WIPF1: variants seen among roughly 807,000 people sequenced by gnomAD.
WIPF1 encodes WAS/WASL-interacting protein family member 1.
In WIPF1, 13 loss-of-function variants were observed where a neutral mutation model predicts 35.4. The ratio of observed to expected loss-of-function variants is 0.37; its 90% CI spans 0.24 to 0.58. The LOEUF (loss-of-function observed/expected upper bound fraction) is 0.58. WIPF1 is among the 20% of genes least tolerant of loss of function. The probability of loss-of-function intolerance (pLI) is 0.74; values close to 1 mark genes in which losing one functional copy is unlikely to be tolerated. For synonymous variants in WIPF1, 267 were observed against 266.3 expected (o/e 1.00, Z -0.02); for missense variants, 591 against 667.0 (o/e 0.89, Z 1.25).
chr2:174,613,138 A>C (rs1686402929), intron 1 of WIPF1, among the ~76,000 whole-genome samples: 1 of 50,396 alleles, frequency 2.0e-5, no homozygotes, highest in South Asian at 7.3e-4. Context: ...TGTTATGCAC[A>C]TGCAGACGTG....
At chr2:174,675,600 T>C (rs7597724) in intron 1 of WIPF1, among the ~76,000 whole-genome samples, 3,491 of 152,210 alleles carry the variant, frequency 0.023, 130 homozygotes, top group African/African-American at 0.077. Context: ...GTGATCCTCC[T>C]GCCTCAGCTT....
At chr2:174,660,472 C>T (rs534342348) in intron 1 of WIPF1, among the ~76,000 whole-genome samples, 3 of 152,266 alleles carry the variant, frequency 2.0e-5, no homozygotes, top group African/African-American at 7.2e-5. Context: ...ATTCCCAGGG[C>T]AGAGATTTTC....
At chr2:174,584,833 A>T (rs1685351970) in intron 2 of WIPF1, among the ~76,000 whole-genome samples, 1 of 151,794 alleles carries the variant, frequency 6.6e-6, no homozygotes, top group Admixed American at 6.6e-5. Flanking sequence ...AATCACTTGA[A>T]CGGGAGGTGG....
chr2:174,581,316 G>A lies in WIPF1; in HGVS notation c.175C>T (p.Leu59=), dbSNP rs2105830697. The part of the protein sequence containing the change: ...TVTNDRSAPI[L]DKPKGAGAGG... ...ATAGCCTTTTTTTACTTACTGTCCA[G>A]TATTGGTGCACTTCTGTCATTGGTG... Residue 59 remains leucine, a synonymous_variant, in exon 3 of 8, where the codon CTG becomes TTG. Transcript: ENST00000679041. 1 of 1,613,978 alleles carries A rather than the reference G, an allele frequency of 6.2e-7. No homozygotes were observed. Among genetic ancestry groups the A allele is most frequent in the Non-Finnish European group, 8.5e-7 (1 of 1,179,916 alleles).
At chr2:174,682,609 C>A (rs1047858546) in intron 1 of WIPF1, among the ~76,000 whole-genome samples, 6 of 151,758 alleles carry the variant, frequency 4.0e-5, no homozygotes, top group Non-Finnish European at 8.8e-5. Context: ...CCCGCGCCCA[C>A]CGCTCGCAGG....
At chr2:174,649,560 C>T (rs1687488629) in intron 1 of WIPF1, among the ~76,000 whole-genome samples, 1 of 152,136 alleles carries the variant, frequency 6.6e-6, no homozygotes, top group African/African-American at 2.4e-5. Context: ...TCCTGCCCTG[C>T]CTTGCCTTTC....
chr2:174,615,239 C>A (rs754604077), intron 1 of WIPF1, among the ~76,000 whole-genome samples: 37 of 152,158 alleles, frequency 2.4e-4, no homozygotes, highest in Non-Finnish European at 4.6e-4. Flanking sequence ...AAGGATGGGT[C>A]AATTCAGTGG....
chr2:174,639,573 G>T (rs138093096), intron 1 of WIPF1, among the ~76,000 whole-genome samples: 99 of 151,442 alleles, frequency 6.5e-4, no homozygotes, highest in African/African-American at 1.9e-3. Context: ...TTTGTTTTTG[G>T]TTTTTTTTGC....
At chr2:174,671,508 T>C (rs556604559) in intron 1 of WIPF1, among the ~76,000 whole-genome samples, 2 of 152,322 alleles carry the variant, frequency 1.3e-5, no homozygotes, top group East Asian at 3.9e-4. Flanking sequence ...ACAAGGGAGA[T>C]AACCATTAGG....
rs1158052520 is a variant in WIPF1 at position 174,595,109 on chromosome 2, AATATATATAT to A, written c.-39+2482_-39+2491del. ...TCTACAAAAAAAAAAAAAAAAAAAA[AATATATATAT>A]ATATATATATATATATATATAATTA... On this transcript the variant is annotated intron_variant, in intron 1 of 7. Transcript: ENST00000679041. Among the ~76,000 whole-genome samples the A allele has an allele frequency of 2.0e-3, 115 of 57,720 alleles. 2 individuals are homozygous for A. The highest frequency in any genetic ancestry group is 5.8e-3 in the African/African-American group (65 of 11,132). 37.9% of individuals were successfully genotyped at this position (57,720 alleles called of 152,430 possible).
intron 1 of WIPF1, among the ~76,000 whole-genome samples, chr2:174,619,269 T>C (rs1168423937): frequency 6.6e-6 from 1 of 152,248 alleles, no homozygotes; most frequent in Non-Finnish European, 1.5e-5. Context: ...AAATATTCTT[T>C]GAAAGCATGA....
At chr2:174,612,793 A>T (rs913133505) in intron 1 of WIPF1, among the ~76,000 whole-genome samples, 12 of 152,164 alleles carry the variant, frequency 7.9e-5, no homozygotes, top group African/African-American at 2.9e-4. Flanking sequence ...AAAAAATCAC[A>T]GGGATTTAGT....
chr2:174,562,715 T>C, intron 7 of WIPF1, 113 bp from the exon 8 acceptor site: 2 of 1,391,384 alleles, frequency 1.4e-6, no homozygotes, highest in Non-Finnish European at 2.0e-6. Flanking sequence ...TGACCAGGGC[T>C]GTCAGCTAAC....
At chr2:174,645,457 C>G (rs971529991) in intron 1 of WIPF1, among the ~76,000 whole-genome samples, 1 of 152,172 alleles carries the variant, frequency 6.6e-6, no homozygotes, top group Non-Finnish European at 1.5e-5. Context: ...ATGGTCTGTG[C>G]TTTACAATGT....
Position 174,574,750 on chromosome 2 carries a change from G to A in WIPF1, c.358+454C>T, listed in dbSNP as rs1684989156. ...ATCTGTCATGCAAAACACTTTTTCA[G>A]ATTTAGTGAGATTTGTAATCATATT... is the stretch of plus-strand genomic sequence containing the variant. On this transcript the variant is annotated intron_variant, in intron 4 of 7. Transcript: ENST00000679041. 7.8e-6 allele frequency: 5 copies of A among 643,856 alleles called. No individual in the cohort carries two copies. The African/African-American group carries it at 9.2e-5, about 12-fold the overall frequency. The allele number at this position is 643,856 out of a possible 1,614,324, so 39.9% of individuals were successfully genotyped here.
At chr2:174,632,837 A>G (rs1430040179) in intron 1 of WIPF1, among the ~76,000 whole-genome samples, 1 of 152,178 alleles carries the variant, frequency 6.6e-6, no homozygotes, top group African/African-American at 2.4e-5. Context: ...CTTCTGAAAC[A>G]GCAAGGCTGT....
intron 4 of WIPF1, 54 bp from the exon 5 acceptor site, chr2:174,572,500 CAG>C: frequency 2.5e-6 from 4 of 1,607,256 alleles, no homozygotes; most frequent in Non-Finnish European, 3.4e-6. Flanking sequence ...CTGAAGAAAT[CAG>C]AGAGCTAGAG....
chr2:174,632,648 G>A (rs1476023838), intron 1 of WIPF1, among the ~76,000 whole-genome samples: 2 of 148,238 alleles, frequency 1.3e-5, no homozygotes, highest in Non-Finnish European at 3.0e-5. Context: ...GGCAGGGGTT[G>A]CAGTGAGCCG....
At chr2:174,671,002 A>T (rs1225993771) in intron 1 of WIPF1, among the ~76,000 whole-genome samples, 1 of 152,226 alleles carries the variant, frequency 6.6e-6, no homozygotes, top group African/African-American at 2.4e-5. Context: ...TTTCCAAGGA[A>T]GTCCGGAATT....
Sources: allele counts gnomAD v4.1 joint callset (sites outside exome capture counted in the v4.1 genomes callset), GRCh38; gene constraint gnomAD v4.1.1; transcripts MANE v1.5; gene names NCBI Gene and HGNC (gene_info 2026-07-23, HGNC 2026-07-21).